DLG2: variants seen among roughly 807,000 people sequenced by gnomAD.
The protein encoded by DLG2 is disks large homolog 2.
In DLG2, 45 loss-of-function variants were observed where a neutral mutation model predicts 132.5. The observed-to-expected ratio is 0.34, with a 90% confidence interval of 0.27 to 0.44. The LOEUF is 0.44. Among genes scored for constraint, DLG2 ranks in the 20% least tolerant of loss-of-function variants. The pLI, the probability that DLG2 is intolerant of heterozygous loss-of-function variation, is 1.00. For synonymous variants in DLG2, 424 were observed against 419.6 expected (o/e 1.01, Z -0.13); for missense variants, 1,045 against 1,196.9 (o/e 0.87, Z 1.87).
At chr11:85,221,921 TTTTC>T (rs777141731) in intron 4 of DLG2, among the ~76,000 whole-genome samples, 88 of 151,892 alleles carry the variant, frequency 5.8e-4, no homozygotes, top group Admixed American at 9.2e-4. Context: ...CCAGAATACA[TTTTC>T]TTTCTTTCTT....
At chr11:83,498,860 G>C (rs1591895940) in intron 21 of DLG2, among the ~76,000 whole-genome samples, 2 of 150,530 alleles carry the variant, frequency 1.3e-5, no homozygotes, top group South Asian at 2.1e-4. Flanking sequence ...GCAAACATTA[G>C]GAATAAAAGA....
At position 85,150,120 on chromosome 11, in the gene DLG2, C is replaced by T. The variant is rs192418926; in HGVS notation, c.282+4436G>A. On this transcript the variant is annotated intron_variant, in intron 5 of 27. Transcript: ENST00000376104. ...CTGCAGGTTCCGCCTCCCGAGTTCA[C>T]GCCATTCTCCTGCCTCGGCCTCCCC... Among the ~76,000 whole-genome samples, 21 of 148,820 alleles carry T rather than the reference C, an allele frequency of 1.4e-4. No homozygotes were observed. In the East Asian group the frequency reaches 3.2e-3, roughly 23 times the overall value.
chr11:84,053,534 C>T (rs1422703252), intron 11 of DLG2, among the ~76,000 whole-genome samples: 3 of 151,822 alleles, frequency 2.0e-5, no homozygotes, highest in African/African-American at 4.8e-5. Flanking sequence ...GAGTTCTTTG[C>T]TACTTTTCTT....
rs1260037639 is a variant in DLG2, at chr11:83,458,020, T to C, written c.*1798A>G. The C allele has an allele frequency of 6.6e-6, 1 of 152,638 alleles. No homozygotes were observed. The highest frequency in any genetic ancestry group is 2.4e-5 in the African/African-American group (1 of 41,460). 9.5% of individuals were successfully genotyped at this position (152,638 alleles called of 1,614,324 possible). On this transcript the variant is annotated 3_prime_UTR_variant, in exon 28 of 28. Coordinates refer to ENST00000376104, the MANE Select transcript of DLG2 (RefSeq NM_001142699.3). ...AAGAGACTCTCATTCTAAGCTCCGA[T>C]GTTCTTACTGTGAAGAAGCCCCATC... is the stretch of plus-strand genomic sequence containing the variant.
intron 6 of DLG2, among the ~76,000 whole-genome samples, chr11:84,659,351 T>C (rs2099691984): frequency 6.6e-6 from 1 of 152,158 alleles, no homozygotes; most frequent in African/African-American, 2.4e-5. Flanking sequence ...TCTGCTATAA[T>C]GCCTTTTCAA....
At chr11:83,688,004 C>T (rs1387037177) in intron 18 of DLG2, among the ~76,000 whole-genome samples, 2 of 150,770 alleles carry the variant, frequency 1.3e-5, no homozygotes, top group Non-Finnish European at 2.9e-5. Flanking sequence ...GAGCAAGGCC[C>T]TGTCTCAAAA....
chr11:84,251,641 C>CTTT (rs148681429), intron 7 of DLG2, among the ~76,000 whole-genome samples: 1 of 140,160 alleles, frequency 7.1e-6, no homozygotes, highest in Admixed American at 7.4e-5. Context: ...TCTTTTCTTT[C>CTTT]TTTTTTTTTT....
At chr11:85,233,010 C>A (rs917877367) in intron 4 of DLG2, among the ~76,000 whole-genome samples, 3 of 151,766 alleles carry the variant, frequency 2.0e-5, no homozygotes, top group South Asian at 2.1e-4. Flanking sequence ...TCTTTCCATG[C>A]GTTATGTTTA....
At chr11:85,049,805 G>A (rs999712582) in intron 6 of DLG2, among the ~76,000 whole-genome samples, 1 of 152,010 alleles carries the variant, frequency 6.6e-6, no homozygotes, top group Non-Finnish European at 1.5e-5. Flanking sequence ...ATAAAGAGAT[G>A]TAAGGTTTAT....
chr11:83,574,872 AT>A (rs2096850755), intron 19 of DLG2, among the ~76,000 whole-genome samples: 1 of 152,214 alleles, frequency 6.6e-6, no homozygotes. Context: ...TTGTGAAATT[AT>A]TGACTAAAGA....
intron 3 of DLG2, among the ~76,000 whole-genome samples, chr11:85,515,182 C>T (rs748109729): frequency 1.3e-5 from 2 of 151,906 alleles, no homozygotes; most frequent in African/African-American, 2.4e-5. Context: ...CTAATTTTGA[C>T]CTAGTCCATC....
intron 4 of DLG2, among the ~76,000 whole-genome samples, chr11:85,234,801 C>A (rs955197609): frequency 2.6e-5 from 4 of 151,860 alleles, no homozygotes; most frequent in Non-Finnish European, 5.9e-5. Context: ...CCAGCTACAG[C>A]CACTGATAAA....
intron 6 of DLG2, among the ~76,000 whole-genome samples, chr11:84,840,215 T>C (rs1168616041): frequency 6.6e-6 from 1 of 152,158 alleles, no homozygotes; most frequent in Non-Finnish European, 1.5e-5. Context: ...AAGACGTTTA[T>C]GCAGCCAACA....
chr11:85,393,595 GA>G (rs2086997701), intron 3 of DLG2, among the ~76,000 whole-genome samples: 1 of 148,822 alleles, frequency 6.7e-6, no homozygotes, highest in Non-Finnish European at 1.5e-5. Context: ...AGTGGATAAA[GA>G]AAATGTGGTA....
intron 6 of DLG2, among the ~76,000 whole-genome samples, chr11:84,628,514 G>A (rs17147461): frequency 0.063 from 9,509 of 152,100 alleles, 344 homozygotes; most frequent in South Asian, 0.085. Context: ...ACTCTACCAC[G>A]CACTTTTATT....
At chr11:83,993,183 G>A (rs2093819657) in intron 11 of DLG2, among the ~76,000 whole-genome samples, 1 of 152,014 alleles carries the variant, frequency 6.6e-6, no homozygotes, top group Non-Finnish European at 1.5e-5. Context: ...TAGAAAGTAG[G>A]GGTTGCACAA....
At chr11:85,392,119 T>G (rs1293230539) in intron 3 of DLG2, among the ~76,000 whole-genome samples, 1 of 151,982 alleles carries the variant, frequency 6.6e-6, no homozygotes, top group Non-Finnish European at 1.5e-5. Context: ...TGTAAAAAAT[T>G]AGTGGCTCTG....
At chr11:85,338,426 C>T (rs1417302389) in intron 3 of DLG2, among the ~76,000 whole-genome samples, 2 of 152,112 alleles carry the variant, frequency 1.3e-5, no homozygotes, top group African/African-American at 4.8e-5. Context: ...TCTTTTCTTT[C>T]CCATCCACTG....
At chr11:85,245,364 T>C (rs2076082803) in intron 4 of DLG2, among the ~76,000 whole-genome samples, 1 of 152,012 alleles carries the variant, frequency 6.6e-6, no homozygotes, top group Non-Finnish European at 1.5e-5. Context: ...TCATTCTTTC[T>C]GTTACTCACA....
Sources: allele counts gnomAD v4.1 joint callset (sites outside exome capture counted in the v4.1 genomes callset), GRCh38; gene constraint gnomAD v4.1.1; transcripts MANE v1.5; gene names NCBI Gene and HGNC (gene_info 2026-07-23, HGNC 2026-07-21).